ANKRD31: variants seen among roughly 807,000 people sequenced by gnomAD.
The protein encoded by ANKRD31 is ankyrin repeat domain-containing protein 31.
A neutral mutation model predicts 186.0 loss-of-function variants in ANKRD31; 147 were observed. The ratio of observed to expected loss-of-function variants is 0.79; its 90% confidence interval spans 0.69 to 0.91. The LOEUF is 0.91. ANKRD31 is among the 40% of genes least tolerant of loss of function. The probability of loss-of-function intolerance (pLI) is 0.00; values close to 1 mark genes in which losing one functional copy is unlikely to be tolerated. For missense variants in ANKRD31, 1,986 were observed against 2,148.8 expected, an observed-to-expected ratio of 0.92 and a Z score of 1.50; for synonymous variants, 673 against 736.4, an observed-to-expected ratio of 0.91 and a Z score of 1.39.
chr5:75,110,639 G>T (rs557566887), intron 20 of ANKRD31, among the ~76,000 whole-genome samples: 1 of 151,238 alleles, frequency 6.6e-6, no homozygotes, highest in East Asian at 2.0e-4. Flanking sequence ...AACCTGGGAG[G>T]CGGAGGTTCC....
At chr5:75,107,727 T>C in intron 20 of ANKRD31, 110 bp from the exon 21 acceptor site, 1 of 616,364 alleles carries the variant, frequency 1.6e-6, no homozygotes, top group East Asian at 2.9e-5. Flanking sequence ...TTCCCTATGA[T>C]CTTCCCCAAT....
chr5:75,185,009 A>G (rs1446871590), intron 10 of ANKRD31, among the ~76,000 whole-genome samples: 2 of 152,318 alleles, frequency 1.3e-5, no homozygotes, highest in East Asian at 1.9e-4. Context: ...ATATGTATAC[A>G]ATGGAATACT....
At chr5:75,177,545 C>T (rs1753907062) in intron 10 of ANKRD31, among the ~76,000 whole-genome samples, 2 of 152,096 alleles carry the variant, frequency 1.3e-5, no homozygotes, top group Admixed American at 6.6e-5. Context: ...TTGGCAGAAA[C>T]TCTACAAGCC....
At position 75,177,562 on chromosome 5, in the gene ANKRD31, G is replaced by C. The variant is rs368317660; in HGVS notation, c.1565-8441C>G. 1.0e-3 allele frequency among the ~76,000 whole-genome samples: 153 copies of C among 152,270 alleles called. 3 individuals carry two copies. In the East Asian group the frequency reaches 0.026, roughly 26 times the overall value. ...GGCAGAAACTCTACAAGCCAGAAGA[G>C]AGTGGGGGCCAATATTCAACATTCT... On this transcript the variant is annotated intron_variant, in intron 10 of 25. Coordinates refer to ENST00000506364, the MANE Select transcript of ANKRD31 (RefSeq NM_001372053.1).
intron 17 of ANKRD31, among the ~76,000 whole-genome samples, chr5:75,125,093 A>G (rs1749129026): frequency 6.6e-6 from 1 of 152,176 alleles, no homozygotes; most frequent in African/African-American, 2.4e-5. Flanking sequence ...ATTATCTATG[A>G]GAATTAAATA....
At chr5:75,102,775 C>T (rs1747010564) in intron 22 of ANKRD31, among the ~76,000 whole-genome samples, 1 of 152,112 alleles carries the variant, frequency 6.6e-6, no homozygotes, top group Non-Finnish European at 1.5e-5. Context: ...GCTAAGACCA[C>T]TGGAAAAGCA....
rs1751481327 is a variant in ANKRD31 at position 75,146,900 on chromosome 5, G to A, written c.2511C>T (p.Phe837=). The change falls in exon 14 of 26, where the codon TTC becomes TTT. Residue 837 remains phenylalanine, a synonymous_variant. Transcript: ENST00000506364. ...ESVDQTEAVS[F]PGLLLHKEIK... ...TTTCTTTATGTAATAAAAGCCCTGG[G>A]AAAGAAACAGCTTCAGTTTGGTCAA... 1.3e-6 allele frequency: 2 copies of A among 1,536,386 alleles called. No homozygotes were observed. The highest frequency in any genetic ancestry group is 2.7e-5 in the African/African-American group (2 of 73,112).
chr5:75,148,055 A>C (rs1410290888), intron 13 of ANKRD31, among the ~76,000 whole-genome samples: 3 of 151,888 alleles, frequency 2.0e-5, no homozygotes, highest in Non-Finnish European at 4.4e-5. Flanking sequence ...AGCTAGAATT[A>C]GGGGTTTCTT....
At chr5:75,082,595 T>G (rs779089312) in intron 24 of ANKRD31, among the ~76,000 whole-genome samples, 3 of 152,220 alleles carry the variant, frequency 2.0e-5, no homozygotes, top group African/African-American at 4.8e-5. Flanking sequence ...CTAAAGGCTA[T>G]TCCATCTGAT....
At chr5:75,116,778 G>T in intron 18 of ANKRD31, 97 bp from the exon 19 acceptor site, 1 of 551,656 alleles carries the variant, frequency 1.8e-6, no homozygotes, top group Non-Finnish European at 2.8e-6. Flanking sequence ...GATAAGTCAA[G>T]TCTGCAACTA....
intron 11 of ANKRD31, among the ~76,000 whole-genome samples, chr5:75,167,975 C>T (rs777439004): frequency 6.6e-6 from 1 of 152,080 alleles, no homozygotes; most frequent in Non-Finnish European, 1.5e-5. Context: ...CATGTCCAAG[C>T]CTGCATTCTT....
Position 75,146,846 on chromosome 5 carries a change from C to T in ANKRD31, c.2565G>A (p.Lys855=). Residue 855 remains lysine (K), a synonymous_variant, in exon 14 of 26, where the codon AAG becomes AAA. Coordinates refer to ENST00000506364, the MANE Select transcript of ANKRD31 (RefSeq NM_001372053.1). ...GTTGTTCCTGGAGAGTGTGAGGCTG[C>T]TTATCTGTAGTAACAACTGGTAACT... ...EIKLPVVTTD[K]QPHTLQEQHH... is the part of the protein sequence containing the mutation. The T allele has an allele frequency of 6.5e-7, 1 of 1,536,326 alleles. No individual in the cohort carries two copies. The highest frequency in any genetic ancestry group is 8.7e-7 in the Non-Finnish European group (1 of 1,146,290).
chr5:75,140,327 AAGGT>A (rs1240083513), intron 15 of ANKRD31, among the ~76,000 whole-genome samples: 2 of 150,724 alleles, frequency 1.3e-5, no homozygotes, highest in Non-Finnish European at 3.0e-5. Context: ...GGAAGGAAGG[AAGGT>A]AGGAAGGAAG....
In ANKRD31 at chr5:75,137,841, T is replaced by G; in HGVS notation, c.3876+15A>C. The G allele has an allele frequency of 6.9e-7, 1 of 1,449,662 alleles. No individual in the cohort carries two copies. The highest frequency in any genetic ancestry group is 9.0e-7 in the Non-Finnish European group (1 of 1,105,940). The allele number at this position is 1,449,662 out of a possible 1,614,324, so 89.8% of individuals were successfully genotyped here. On this transcript the variant is annotated intron_variant, in intron 17 of 25. Transcript: ENST00000506364. ...AAGAAAAAGTAGTAAGATCTTAATG[T>G]GATGTGCACTGTACCTTTAAATGAT...
chr5:75,206,054 A>C (rs1358828429), intron 5 of ANKRD31, among the ~76,000 whole-genome samples: 1 of 151,082 alleles, frequency 6.6e-6, no homozygotes, highest in Non-Finnish European at 1.5e-5. Context: ...GCATGCCCCA[A>C]GTCAATAGCA....
At chr5:75,140,785 T>C (rs1485258815) in intron 15 of ANKRD31, among the ~76,000 whole-genome samples, 2 of 152,192 alleles carry the variant, frequency 1.3e-5, no homozygotes, top group Non-Finnish European at 2.9e-5. Flanking sequence ...AGTGAGGAAC[T>C]GAGGCCCTCA....
chr5:75,106,567 A>C (rs2150061413), intron 21 of ANKRD31, among the ~76,000 whole-genome samples: 1 of 152,182 alleles, frequency 6.6e-6, no homozygotes, highest in Non-Finnish European at 1.5e-5. Context: ...ATCCACACCA[A>C]GATGTGAAGT....
intron 4 of ANKRD31, among the ~76,000 whole-genome samples, chr5:75,207,090 T>C (rs1037022271): frequency 3.3e-5 from 5 of 152,170 alleles, no homozygotes; most frequent in African/African-American, 9.7e-5. Flanking sequence ...CTCAGCCTAA[T>C]TTACTGCATA....
At chr5:75,085,264 C>T (rs757869493) in intron 23 of ANKRD31, among the ~76,000 whole-genome samples, 1 of 152,152 alleles carries the variant, frequency 6.6e-6, no homozygotes, top group South Asian at 2.1e-4. Context: ...ACCATAAGCT[C>T]CTTGAGGACA....
Sources: allele counts gnomAD v4.1 joint callset (sites outside exome capture counted in the v4.1 genomes callset), GRCh38; gene constraint gnomAD v4.1.1; transcripts MANE v1.5; gene names NCBI Gene and HGNC (gene_info 2026-07-23, HGNC 2026-07-21).